The following EBF1 variants were observed in gnomAD, a reference collection of about 807,000 sequenced individuals.
The protein encoded by EBF1 is transcription factor COE1.
EBF1 carries 10 observed loss-of-function variants against 68.4 expected under a neutral mutation model. That is an observed-to-expected ratio of 0.15 (90% confidence interval 0.09 to 0.25). The LOEUF is 0.25. EBF1 is among the 10% of genes least tolerant of loss of function. EBF1 has a pLI of 1.00. For synonymous variants in EBF1, 298 were observed against 299.8 expected (o/e 0.99, Z 0.06); for missense variants, 509 against 794.4 (o/e 0.64, Z 4.32).
At chr5:158,935,039 A>G (rs1743381134) in intron 6 of EBF1, among the ~76,000 whole-genome samples, 1 of 152,248 alleles carries the variant, frequency 6.6e-6, no homozygotes, top group Non-Finnish European at 1.5e-5. Flanking sequence ...GTAACTGACT[A>G]CACTACATTT....
At chr5:158,748,224 G>A (rs986789245) in intron 10 of EBF1, among the ~76,000 whole-genome samples, 7 of 152,144 alleles carry the variant, frequency 4.6e-5, no homozygotes, top group Non-Finnish European at 7.4e-5. Flanking sequence ...GTTTCTGTGC[G>A]GTGTGTGGTG....
At chr5:158,797,840 T>C (rs1204877652) in intron 8 of EBF1, among the ~76,000 whole-genome samples, 1 of 152,180 alleles carries the variant, frequency 6.6e-6, no homozygotes, top group Non-Finnish European at 1.5e-5. Context: ...CAGATGACTT[T>C]TCTCTTCTCT....
At chr5:158,940,802 T>C (rs1269250115) in intron 6 of EBF1, among the ~76,000 whole-genome samples, 1 of 103,866 alleles carries the variant, frequency 9.6e-6, no homozygotes, top group Non-Finnish European at 1.8e-5. Context: ...GAGGATGGAC[T>C]CCAATGGAAA....
intron 6 of EBF1, among the ~76,000 whole-genome samples, chr5:159,035,681 G>A (rs1769891715): frequency 6.6e-6 from 1 of 152,176 alleles, no homozygotes; most frequent in Non-Finnish European, 1.5e-5. Context: ...AAGCAATGTT[G>A]ACTGACATTA....
chr5:158,922,106 T>A (rs1808567898), intron 6 of EBF1, among the ~76,000 whole-genome samples: 1 of 152,256 alleles, frequency 6.6e-6, no homozygotes, highest in Non-Finnish European at 1.5e-5. Flanking sequence ...AAGGCATTAT[T>A]AATTTCAGTT....
rs1257180410 is a variant in EBF1, at chr5:159,099,393, G to T, written c.86C>A (p.Thr29Lys). 6.2e-7 allele frequency: 1 copy of T among 1,601,214 alleles called. No homozygotes were observed. Among genetic ancestry groups the T allele is most frequent in the Non-Finnish European group, 8.5e-7 (1 of 1,174,098 alleles). The change falls in exon 1 of 16, where the codon ACG becomes AAG. Residue 29 changes from threonine to lysine, a missense_variant. Physicochemically the swap from Thr to Lys is moderately conservative, Grantham distance 78. This residue lies in a region of EBF1 where 74 missense variants were observed against 79.4 expected (regional missense o/e 0.93). Transcript: ENST00000313708. Reference protein sequence around the residue: ...PLGSGMNAVRTWMQGAGVLDA... With the variant: ...PLGSGMNAVRKWMQGAGVLDA... ...CAGCACCCCGGCGCCCTGCATCCAC[G>T]TCCGCACCGCGTTCATGCCGCTGCC...
At chr5:158,988,370 C>A (rs1561718526) in intron 6 of EBF1, among the ~76,000 whole-genome samples, 1 of 152,144 alleles carries the variant, frequency 6.6e-6, no homozygotes, top group Non-Finnish European at 1.5e-5. Flanking sequence ...AGAGTGGGAC[C>A]TAGGGGAGGA....
chr5:158,714,191 A>G lies in EBF1; in HGVS notation c.1126-9T>C. 1 of 1,614,188 alleles carries G rather than the reference A, an allele frequency of 6.2e-7. No homozygotes were observed. Among genetic ancestry groups the G allele is most frequent in the Non-Finnish European group, 8.5e-7 (1 of 1,180,008 alleles). ...CTTTTGAGTATTACTTCCTGTCAAG[A>G]GAAAAGCAGATACAATCCTTTGAGT... On this transcript the variant is annotated splice_polypyrimidine_tract_variant and intron_variant, in intron 11 of 15. Transcript: ENST00000313708.
intron 6 of EBF1, among the ~76,000 whole-genome samples, chr5:158,857,312 C>T (rs1218036185): frequency 6.6e-6 from 1 of 151,984 alleles, no homozygotes; most frequent in Non-Finnish European, 1.5e-5. Context: ...TGGGACACTC[C>T]CCTGGCTGTC....
intron 7 of EBF1, among the ~76,000 whole-genome samples, chr5:158,835,063 C>T (rs1307324461): frequency 6.6e-6 from 1 of 152,182 alleles, no homozygotes; most frequent in African/African-American, 2.4e-5. Flanking sequence ...ATATTTGAAA[C>T]CAGCCTCCCA....
chr5:158,832,246 C>T (rs368726793), intron 7 of EBF1, among the ~76,000 whole-genome samples: 65 of 152,300 alleles, frequency 4.3e-4, no homozygotes, highest in Non-Finnish European at 7.8e-4. Context: ...AAGTGCAGGG[C>T]GACCACTCAT....
At chr5:158,992,224 GAAA>G (rs35596220) in intron 6 of EBF1, among the ~76,000 whole-genome samples, 1 of 139,370 alleles carries the variant, frequency 7.2e-6, no homozygotes. Context: ...CCTTGTAAGG[GAAA>G]AAAAAAAAAA....
intron 6 of EBF1, among the ~76,000 whole-genome samples, chr5:159,033,361 A>T (rs1209531926): frequency 6.6e-6 from 1 of 152,246 alleles, no homozygotes; most frequent in Non-Finnish European, 1.5e-5. Context: ...CTGAACTCAA[A>T]TGAATGTTTT....
chr5:158,705,832 C>T (rs1032560056), intron 15 of EBF1, among the ~76,000 whole-genome samples: 1 of 152,210 alleles, frequency 6.6e-6, no homozygotes, highest in Non-Finnish European at 1.5e-5. Context: ...GATAGAGCCA[C>T]TGACCTTCCA....
Position 158,995,459 on chromosome 5 carries a change from T to C in EBF1, c.554+77937A>G, listed in dbSNP as rs1761210288. Among the ~76,000 whole-genome samples the C allele has an allele frequency of 2.6e-5, 4 of 152,154 alleles. No individual in the cohort carries two copies. In the South Asian group the frequency reaches 8.3e-4, roughly 32 times the overall value. ...AGCAGCAAATGCACAGGTGTCAGGA[T>C]TCGGTGACTATATAATCTCCAAGGC... On this transcript the variant is annotated intron_variant, in intron 6 of 15. Coordinates refer to ENST00000313708, the MANE Select transcript of EBF1 (RefSeq NM_024007.5).
chr5:159,040,241 CG>C (rs2127772668), intron 6 of EBF1, among the ~76,000 whole-genome samples: 2 of 152,204 alleles, frequency 1.3e-5, no homozygotes, highest in African/African-American at 4.8e-5. Context: ...CTCTCTCTGT[CG>C]CTGAGTGAGA....
At chr5:158,719,910 A>T (rs562632582) in intron 11 of EBF1, among the ~76,000 whole-genome samples, 1 of 152,036 alleles carries the variant, frequency 6.6e-6, no homozygotes, top group Non-Finnish European at 1.5e-5. Context: ...AGGAATGTAG[A>T]TTGAAACAGA....
chr5:159,078,668 G>C (rs938783843), intron 5 of EBF1, among the ~76,000 whole-genome samples: 2 of 152,146 alleles, frequency 1.3e-5, no homozygotes, highest in African/African-American at 4.8e-5. Context: ...CATCCCTTCC[G>C]AACCTGCAAC....
At chr5:159,029,291 A>C (rs1185651637) in intron 6 of EBF1, among the ~76,000 whole-genome samples, 1 of 152,250 alleles carries the variant, frequency 6.6e-6, no homozygotes, top group Non-Finnish European at 1.5e-5. Flanking sequence ...TGGTATTCTC[A>C]CAAATAACCA....
Sources: allele counts gnomAD v4.1 joint callset (sites outside exome capture counted in the v4.1 genomes callset), GRCh38; gene constraint gnomAD v4.1.1; regional missense constraint gnomAD v4.1.1; transcripts MANE v1.5; gene names NCBI Gene and HGNC (gene_info 2026-07-23, HGNC 2026-07-21).